The following DLG1 variants were observed in gnomAD, a reference collection of about 807,000 sequenced individuals.
DLG1 encodes disks large homolog 1.
A neutral mutation model predicts 123.4 loss-of-function variants in DLG1; 42 were observed. The observed-to-expected ratio is 0.34, with a 90% CI of 0.27 to 0.44. DLG1 has a LOEUF of 0.44. DLG1 is among the 20% of genes least tolerant of loss of function. DLG1 has a pLI of 1.00. For synonymous variants in DLG1, 317 were observed against 356.2 expected (o/e 0.89, Z 1.24); for missense variants, 942 against 1,082.6 (o/e 0.87, Z 1.82).
chr3:197,154,655 A>G (rs1447292356), intron 5 of DLG1, among the ~76,000 whole-genome samples: 7 of 152,176 alleles, frequency 4.6e-5, no homozygotes, highest in African/African-American at 1.7e-4. Context: ...AGCCTGGGTG[A>G]CAGAGCCAGA....
intron 5 of DLG1, among the ~76,000 whole-genome samples, chr3:197,168,892 A>G (rs930444234): frequency 6.6e-6 from 1 of 152,212 alleles, no homozygotes; most frequent in African/African-American, 2.4e-5. Context: ...AACAGAGGCT[A>G]TGATATTAAC....
At chr3:197,250,072 GAAAT>G (rs1389574346) in intron 4 of DLG1, among the ~76,000 whole-genome samples, 2 of 151,980 alleles carry the variant, frequency 1.3e-5, no homozygotes, top group African/African-American at 4.8e-5. Flanking sequence ...GTAAAACAAA[GAAAT>G]AAAGGGCACC....
intron 16 of DLG1, among the ~76,000 whole-genome samples, chr3:197,083,723 TG>T (rs1279106545): frequency 6.6e-6 from 1 of 152,176 alleles, no homozygotes; most frequent in Non-Finnish European, 1.5e-5. Flanking sequence ...TGTGGGAGGC[TG>T]GGGTGAGAAA....
chr3:197,181,651 C>G (rs1307429419), intron 5 of DLG1, among the ~76,000 whole-genome samples: 1 of 151,944 alleles, frequency 6.6e-6, no homozygotes, highest in Middle Eastern at 3.2e-3. Context: ...ATAAACTATC[C>G]AATGTATCAG....
At chr3:197,275,394 T>C (rs1050413366) in intron 4 of DLG1, among the ~76,000 whole-genome samples, 9 of 152,068 alleles carry the variant, frequency 5.9e-5, no homozygotes, top group Admixed American at 2.6e-4. Flanking sequence ...CACTGCGAGG[T>C]ATACACCCAA....
chr3:197,223,105 A>G (rs946214324), intron 4 of DLG1, among the ~76,000 whole-genome samples: 4 of 152,172 alleles, frequency 2.6e-5, no homozygotes, highest in African/African-American at 4.8e-5. Context: ...ATCCACCCCT[A>G]AAGAACTGCC....
intron 3 of DLG1, among the ~76,000 whole-genome samples, chr3:197,293,137 C>T (rs1440326557): frequency 1.3e-5 from 2 of 152,204 alleles, no homozygotes; most frequent in African/African-American, 4.8e-5. Flanking sequence ...TTGCTCTCAC[C>T]TAAATCACAG....
intron 5 of DLG1, among the ~76,000 whole-genome samples, chr3:197,167,413 A>T (rs1801990850): frequency 6.6e-6 from 1 of 152,238 alleles, no homozygotes; most frequent in South Asian, 2.1e-4. Context: ...ATGACAGTGG[A>T]GAAATCTGCA....
chr3:197,203,324 CAT>C (rs1726811846), intron 4 of DLG1, among the ~76,000 whole-genome samples: 1 of 152,104 alleles, frequency 6.6e-6, no homozygotes. Context: ...AAAACTGTGT[CAT>C]AGTCTGTGTC....
rs540517167 is a variant in DLG1, at chr3:197,201,077, T to C, written c.319-6488A>G. On this transcript the variant is annotated intron_variant, in intron 4 of 24. Transcript: ENST00000667157. ...TGTTTGCTGATGACATCATCTTTTA[T>C]CTAAAAAACTCTAAAGACTCCACCG... is the stretch of plus-strand genomic sequence containing the variant. 1.3e-4 allele frequency among the ~76,000 whole-genome samples: 20 copies of C among 152,284 alleles called. No homozygotes were observed. The South Asian group carries it at 4.1e-3, about 32-fold the overall frequency.
chr3:197,147,602 A>G (rs1791567953), intron 6 of DLG1, among the ~76,000 whole-genome samples: 1 of 152,166 alleles, frequency 6.6e-6, no homozygotes, highest in Admixed American at 6.5e-5. Flanking sequence ...GTTCTCACTC[A>G]TAAGTGGGAG....
At chr3:197,268,407 T>C (rs73210575) in intron 4 of DLG1, among the ~76,000 whole-genome samples, 3,315 of 152,192 alleles carry the variant, frequency 0.022, 50 homozygotes, top group South Asian at 0.093. Flanking sequence ...ATGACAGTTG[T>C]TCCACTTCTC....
At chr3:197,075,723 T>C (rs985924067) in intron 18 of DLG1, 7 of 799,416 alleles carry the variant, frequency 8.8e-6, no homozygotes, top group Non-Finnish European at 1.4e-5. Context: ...GCAATCTAAA[T>C]CATACACCTC....
rs1751248584 is a variant in DLG1 at position 197,081,701 on chromosome 3, G to A, written c.1839-584C>T. On this transcript the variant is annotated intron_variant, in intron 16 of 24. Transcript: ENST00000667157. Reference sequence around the variant, plus strand: ...ACCAGTTACAGTTATTGAAGTAAGAGTTTTAAAGTATTTTTGGAAGGATAC... The same window carrying A: ...ACCAGTTACAGTTATTGAAGTAAGAATTTTAAAGTATTTTTGGAAGGATAC... 2.6e-5 allele frequency among the ~76,000 whole-genome samples: 4 copies of A among 152,168 alleles called. No individual in the cohort carries two copies. In the South Asian group the frequency reaches 8.3e-4, roughly 32 times the overall value.
rs1560425647 is a variant in DLG1, at chr3:197,065,393, C to T, written c.2256G>A (p.Val752=). 6.2e-7 allele frequency: 1 copy of T among 1,612,780 alleles called. No individual in the cohort carries two copies. The highest frequency in any genetic ancestry group is 8.5e-7 in the Non-Finnish European group (1 of 1,179,636). Residue 752 remains valine, a synonymous_variant, in exon 22 of 25, where the codon GTG becomes GTA. Coordinates refer to ENST00000667157, the MANE Select transcript of DLG1 (RefSeq NM_001366207.1). The part of the protein sequence containing the change: ...YEVDGRDYHF[V]TSREQMEKDI... ...CTTTTTCCATCTGCTCTCTTGAAGT[C>T]ACAAAATGATAATCTCTTCCATCTA...
At chr3:197,058,268 T>C (rs6785420) in intron 23 of DLG1, among the ~76,000 whole-genome samples, 113,734 of 151,546 alleles carry the variant, frequency 0.75, 42,829 homozygotes, top group East Asian at 0.83. Flanking sequence ...GGGCCGGCCG[T>C]TGTGCCCCGC....
intron 14 of DLG1, among the ~76,000 whole-genome samples, chr3:197,098,565 C>T (rs1005098246): frequency 3.3e-5 from 5 of 152,168 alleles, no homozygotes; most frequent in Admixed American, 1.3e-4. Flanking sequence ...GCCCCCACCT[C>T]GCTCTGTTGC....
At chr3:197,173,850 T>A (rs1805587062) in intron 5 of DLG1, among the ~76,000 whole-genome samples, 1 of 152,148 alleles carries the variant, frequency 6.6e-6, no homozygotes, top group African/African-American at 2.4e-5. Flanking sequence ...CCTGTAATAA[T>A]CCCAACACTT....
chr3:197,117,347 T>G (rs1438697896), intron 12 of DLG1, among the ~76,000 whole-genome samples: 3 of 152,198 alleles, frequency 2.0e-5, no homozygotes. Context: ...ATATCCCAAG[T>G]AACTGAAAGC....
Sources: allele counts gnomAD v4.1 joint callset (sites outside exome capture counted in the v4.1 genomes callset), GRCh38; gene constraint gnomAD v4.1.1; transcripts MANE v1.5; gene names NCBI Gene and HGNC (gene_info 2026-07-23, HGNC 2026-07-21).